Variants in MTMR2 observed in about 807,000 individuals in gnomAD.
The protein encoded by MTMR2 is phosphatidylinositol-3,5-bisphosphate 3-phosphatase MTMR2.
MTMR2 carries 55 observed loss-of-function variants against 86.9 expected under a neutral mutation model. The observed-to-expected ratio is 0.63, with a 90% CI of 0.51 to 0.79. The LOEUF (loss-of-function observed/expected upper bound fraction) is 0.79. MTMR2 is among the 30% of genes least tolerant of loss of function. The pLI, the probability that MTMR2 is intolerant of heterozygous loss-of-function variation, is 0.00. For synonymous variants in MTMR2, 241 were observed against 266.8 expected (o/e 0.90, Z 0.94); for missense variants, 659 against 772.3 (o/e 0.85, Z 1.74).
chr11:95,836,027 A>T (rs548938900), intron 14 of MTMR2, 121 bp downstream of exon 14: 5 of 992,264 alleles, frequency 5.0e-6, no homozygotes, highest in African/African-American at 4.8e-5. Context: ...ACGATTGTTA[A>T]CTATCAATGG....
At chr11:95,860,007 A>G (rs942718757) in intron 5 of MTMR2, among the ~76,000 whole-genome samples, 1 of 152,212 alleles carries the variant, frequency 6.6e-6, no homozygotes, top group African/African-American at 2.4e-5. Flanking sequence ...GGGCCCTACA[A>G]ATATTTTTGT....
chr11:95,923,878 G>C lies in MTMR2; in HGVS notation c.77C>G (p.Ser26Cys). 1 of 1,554,084 alleles carries C rather than the reference G, an allele frequency of 6.4e-7. No homozygotes were observed. The highest frequency in any genetic ancestry group is 1.4e-5 in the African/African-American group (1 of 73,386). Residue 26 changes from serine to cysteine, a missense_variant, in exon 1 of 15, where the codon TCC becomes TGC. Ser to Cys is a moderately radical substitution (Grantham distance 112). This residue lies in a region of MTMR2 where 79 missense variants were observed against 54.4 expected (regional missense o/e 1.45). Transcript: ENST00000346299. Reference protein sequence around the residue: ...AARPPSVDSLSSASTSHSENS... With the variant: ...AARPPSVDSLCSASTSHSENS... ...GGGCCCTGGGCGTCCTGGTTACCTG[G>C]ACAAGGAGTCCACGCTGGGCGGCCG...
In MTMR2 at chr11:95,924,085, G is replaced by C; in HGVS notation, c.-131C>G. On this transcript the variant is annotated 5_prime_UTR_variant, in exon 1 of 15. Coordinates refer to ENST00000346299, the MANE Select transcript of MTMR2 (RefSeq NM_016156.6). ...CGCCGGCCCGGGAGGGAGACCGGAA[G>C]CGGCCATGTTCCCCCAGAGTGCACC... 8.2e-7 allele frequency: 1 copy of C among 1,222,494 alleles called. No individual in the cohort carries two copies. The highest frequency in any genetic ancestry group is 1.5e-5 in the African/African-American group (1 of 67,264). 75.7% of individuals were successfully genotyped at this position (1,222,494 alleles called of 1,614,324 possible).
chr11:95,848,439 A>C (rs1247270863), intron 9 of MTMR2, among the ~76,000 whole-genome samples: 10 of 152,212 alleles, frequency 6.6e-5, no homozygotes, highest in Non-Finnish European at 1.5e-4. Flanking sequence ...CAGAACAAGG[A>C]TAAAAGCACA....
In MTMR2 at chr11:95,836,240, A is replaced by C. The variant is rs1453443446; in HGVS notation, c.1678T>G (p.Ser560Ala). The change falls in exon 14 of 15, where the codon TCC becomes GCC. Residue 560 changes from serine (S) to alanine (A), a missense_variant. By Grantham distance (99) the Ser-to-Ala change is moderately conservative (BLOSUM62 1). Around this residue, in one of 3 missense-constraint regions of MTMR2, gnomAD observed 193 missense variants for 191.6 expected, o/e 1.01. Transcript: ENST00000346299. Reference protein sequence around the residue: ...DFTNPLYGSYSNHVLYPVASM... With the variant: ...DFTNPLYGSYANHVLYPVASM... ...GCTACTGGATAAAGGACATGATTGG[A>C]ATAGCTCCCATAGAGAGGATTAGTG... 1 of 1,613,032 alleles carries C rather than the reference A, an allele frequency of 6.2e-7. No individual in the cohort carries two copies. Among genetic ancestry groups the C allele is most frequent in the Non-Finnish European group, 8.5e-7 (1 of 1,179,220 alleles).
intron 1 of MTMR2, among the ~76,000 whole-genome samples, chr11:95,910,922 T>A (rs1157939550): frequency 6.6e-6 from 1 of 151,994 alleles, no homozygotes; most frequent in Non-Finnish European, 1.5e-5. Flanking sequence ...TATAAAACAT[T>A]TGAGACACAA....
In MTMR2 at chr11:95,833,547, A is replaced by G. The variant is rs760847691; in HGVS notation, c.*1743T>C. On this transcript the variant is annotated 3_prime_UTR_variant, in exon 15 of 15. Coordinates refer to ENST00000346299, the MANE Select transcript of MTMR2 (RefSeq NM_016156.6). ...GGGGAACCACTGGAAGGTTCTCAGCAGAGAAGTGGTAGGGTTGCACTTAGA... is the reference window on the plus strand; with the variant it reads ...GGGGAACCACTGGAAGGTTCTCAGCGGAGAAGTGGTAGGGTTGCACTTAGA... 54 of 152,142 alleles carry G rather than the reference A, an allele frequency of 3.5e-4. No individual in the cohort carries two copies. The highest frequency in any genetic ancestry group is 1.0e-3 in the African/African-American group (43 of 41,452). 9.4% of individuals were successfully genotyped at this position (152,142 alleles called of 1,614,324 possible).
intron 3 of MTMR2, among the ~76,000 whole-genome samples, chr11:95,864,853 T>A (rs1472220614): frequency 6.6e-6 from 1 of 151,716 alleles, no homozygotes; most frequent in Non-Finnish European, 1.5e-5. Flanking sequence ...TCAGCATTTT[T>A]AAAATCCTTT....
intron 7 of MTMR2, among the ~76,000 whole-genome samples, chr11:95,853,044 A>ATAAT (rs771906273): frequency 9.4e-4 from 136 of 145,272 alleles, no homozygotes; most frequent in Non-Finnish European, 1.6e-3. Context: ...ATTTATATAT[A>ATAAT]ATATATATAT....
chr11:95,884,514 G>C (rs1020078127), intron 2 of MTMR2, among the ~76,000 whole-genome samples: 4 of 152,158 alleles, frequency 2.6e-5, no homozygotes, highest in African/African-American at 9.7e-5. Flanking sequence ...GTGCCACTAA[G>C]CACATGATTT....
rs764782930 is a variant in MTMR2, at chr11:95,877,332, C to CTT, written c.186+10822_186+10823dup. 7.1e-3 allele frequency among the ~76,000 whole-genome samples: 752 copies of CTT among 106,030 alleles called. 15 individuals carry two copies. Among genetic ancestry groups the CTT allele is most frequent in the Non-Finnish European group, 0.011 (597 of 53,476 alleles). The allele number at this position is 106,030 out of a possible 152,430, so 69.6% of individuals were successfully genotyped here. A position where few individuals can be genotyped will look rare whatever the true frequency, so the allele number is the denominator to read the frequency against. ...ATTCAAGATCAAGCACAGGGAAGCC[C>CTT]TTTTTTTTTTTTTTTTTTTTTTTTT... is the stretch of plus-strand genomic sequence containing the variant. On this transcript the variant is annotated intron_variant, in intron 2 of 14. Coordinates refer to ENST00000346299, the MANE Select transcript of MTMR2 (RefSeq NM_016156.6).
chr11:95,886,902 C>G (rs1410670656), intron 2 of MTMR2, among the ~76,000 whole-genome samples: 2 of 152,068 alleles, frequency 1.3e-5, no homozygotes, highest in Non-Finnish European at 2.9e-5. Flanking sequence ...GGATTTATAA[C>G]CATTCTTGTT....
At chr11:95,874,755 G>A (rs977919662) in intron 2 of MTMR2, among the ~76,000 whole-genome samples, 2 of 152,132 alleles carry the variant, frequency 1.3e-5, no homozygotes, top group Admixed American at 1.3e-4. Flanking sequence ...TCCCTGTTTA[G>A]TGTTTCCTTC....
At chr11:95,907,776 C>T (rs775484501) in intron 1 of MTMR2, 41 of 351,498 alleles carry the variant, frequency 1.2e-4, no homozygotes, top group Non-Finnish European at 2.1e-4. Context: ...ATGATCATCT[C>T]GACAGATGCA....
chr11:95,921,116 A>G (rs1489282712), intron 1 of MTMR2, among the ~76,000 whole-genome samples: 1 of 152,270 alleles, frequency 6.6e-6, no homozygotes, highest in African/African-American at 2.4e-5. Flanking sequence ...TTACTAAGCT[A>G]AAGAGAAAGA....
rs750446612 is a variant in MTMR2 at position 95,862,404 on chromosome 11, T to C, written c.263-38A>G. ...GAAGTCCACAGTTTACTATACATTATGTGCTATTAAAACCTGCTATCTCAT... is the reference window on the plus strand; with the variant it reads ...GAAGTCCACAGTTTACTATACATTACGTGCTATTAAAACCTGCTATCTCAT... On this transcript the variant is annotated intron_variant, in intron 3 of 14. Transcript: ENST00000346299. The C allele has an allele frequency of 4.0e-6, 6 of 1,486,220 alleles. No individual in the cohort carries two copies. In the South Asian group the frequency reaches 5.7e-5, roughly 14 times the overall value. The allele number at this position is 1,486,220 out of a possible 1,614,324, so 92.1% of individuals were successfully genotyped here.
chr11:95,923,795 T>C (rs936728129), intron 1 of MTMR2, 80 bp downstream of exon 1: 34 of 1,509,798 alleles, frequency 2.3e-5, no homozygotes, highest in South Asian at 4.9e-5. Flanking sequence ...AATCCGCGAA[T>C]TGGGGCAACA....
intron 2 of MTMR2, among the ~76,000 whole-genome samples, chr11:95,887,364 G>C (rs1865550240): frequency 6.6e-6 from 1 of 151,922 alleles, no homozygotes; most frequent in African/African-American, 2.4e-5. Flanking sequence ...CTTGATCTTG[G>C]ACTTCCCAGC....
intron 1 of MTMR2, among the ~76,000 whole-genome samples, chr11:95,903,507 G>A (rs1226069192): frequency 6.6e-6 from 1 of 152,066 alleles, no homozygotes; most frequent in Admixed American, 6.6e-5. Context: ...ACAGAGCGTG[G>A]ACTCATTTTG....
Sources: allele counts gnomAD v4.1 joint callset (sites outside exome capture counted in the v4.1 genomes callset), GRCh38; gene constraint gnomAD v4.1.1; regional missense constraint gnomAD v4.1.1; transcripts MANE v1.5; gene names NCBI Gene and HGNC (gene_info 2026-07-23, HGNC 2026-07-21).